PRPH2: variants seen among roughly 807,000 people sequenced by gnomAD.
PRPH2 encodes the protein peripherin 2, also known as peripherin-2.
PRPH2 carries 17 observed loss-of-function variants against 31.3 expected under a neutral mutation model. The ratio of observed to expected loss-of-function variants is 0.54; its 90% CI spans 0.37 to 0.81. The LOEUF is 0.81. Among genes scored for constraint, PRPH2 ranks in the 40% least tolerant of loss-of-function variants. PRPH2 has a pLI of 0.00. For missense variants in PRPH2, 430 were observed against 439.7 expected (o/e 0.98, Z 0.20); for synonymous variants, 165 against 184.4 (o/e 0.89, Z 0.85).
intron 1 of PRPH2, among the ~76,000 whole-genome samples, chr6:42,707,178 G>A (rs1389165036): frequency 6.6e-6 from 1 of 152,108 alleles, no homozygotes; most frequent in East Asian, 1.9e-4. Flanking sequence ...GGGATTACAG[G>A]TATGAGCCAC....
chr6:42,701,714 G>C (rs1289902771), intron 2 of PRPH2, among the ~76,000 whole-genome samples: 2 of 41,424 alleles, frequency 4.8e-5, no homozygotes, highest in African/African-American at 1.4e-4. Flanking sequence ...TTTTTTAGTA[G>C]AGATGAGGGC....
At chr6:42,707,567 T>C (rs1358387708) in intron 1 of PRPH2, among the ~76,000 whole-genome samples, 1 of 152,168 alleles carries the variant, frequency 6.6e-6, no homozygotes, top group East Asian at 1.9e-4. Flanking sequence ...AGGTCAGACT[T>C]TTGATCTTTG....
Position 42,704,368 on chromosome 6 carries a change from G to A in PRPH2, c.825C>T (p.Phe275=), listed in dbSNP as rs201249148. The A allele has an allele frequency of 6.2e-7, 1 of 1,608,128 alleles. No individual in the cohort carries two copies. Among genetic ancestry groups the A allele is most frequent in the Admixed American group, 1.7e-5 (1 of 59,074 alleles). Residue 275 remains phenylalanine, a synonymous_variant, in exon 2 of 3, where the codon TTC becomes TTT. Transcript: ENST00000230381. ...MGVVTLLIWL[F]EVTITIGLRY... ...CCCCAGCTGGCCCAGGGCCTACCTC[G>A]AAGAGCCAAATGAGGAGCGTGACGA...
intron 2 of PRPH2, among the ~76,000 whole-genome samples, chr6:42,701,325 T>A (rs1004797844): frequency 6.6e-6 from 1 of 152,110 alleles, no homozygotes; most frequent in Non-Finnish European, 1.5e-5. Flanking sequence ...GGTTTCTCCA[T>A]GTTGGTCAGG....
chr6:42,705,455 G>T (rs905599330), intron 1 of PRPH2, among the ~76,000 whole-genome samples: 2 of 150,654 alleles, frequency 1.3e-5, no homozygotes, highest in Admixed American at 6.6e-5. Context: ...GGGCATGGTG[G>T]CTCATGTCTG....
chr6:42,701,107 C>A (rs191015489), intron 2 of PRPH2, among the ~76,000 whole-genome samples: 1 of 151,732 alleles, frequency 6.6e-6, no homozygotes, highest in East Asian at 1.9e-4. Flanking sequence ...CAGGAGGATC[C>A]AGGACTACAT....
At chr6:42,708,207 T>G (rs974631079) in intron 1 of PRPH2, among the ~76,000 whole-genome samples, 1 of 152,172 alleles carries the variant, frequency 6.6e-6, no homozygotes, top group African/African-American at 2.4e-5. Flanking sequence ...GAGTTGGCCG[T>G]GCAGGTTCTA....
At chr6:42,703,972 A>T (rs1800097651) in intron 2 of PRPH2, among the ~76,000 whole-genome samples, 1 of 152,004 alleles carries the variant, frequency 6.6e-6, no homozygotes. Context: ...ATGGTGGCAC[A>T]TGCCTGTAGT....
intron 1 of PRPH2, among the ~76,000 whole-genome samples, chr6:42,707,843 G>A (rs898161911): frequency 6.6e-6 from 1 of 152,088 alleles, no homozygotes; most frequent in African/African-American, 2.4e-5. Context: ...AGACCACATG[G>A]CCCTGGGTGG....
Position 42,697,899 on chromosome 6 carries a change from G to T in PRPH2, c.*396C>A. On this transcript the variant is annotated 3_prime_UTR_variant, in exon 3 of 3. Coordinates refer to ENST00000230381, the MANE Select transcript of PRPH2 (RefSeq NM_000322.5). ...ACTTTGGATAGAGTGAAGCAACATG[G>T]AGCTCATAAGAGGTAAATTCTAAAA... The T allele has an allele frequency of 4.8e-6, 1 of 207,744 alleles. No individual in the cohort carries two copies. Among genetic ancestry groups the T allele is most frequent in the Non-Finnish European group, 9.8e-6 (1 of 101,782 alleles). 12.9% of individuals were successfully genotyped at this position (207,744 alleles called of 1,614,324 possible).
chr6:42,706,202 G>A lies in PRPH2; in HGVS notation c.582-1591C>T, dbSNP rs373099618. ...GGGTGGATCACGAGGTCAGGAGATC[G>A]AGACCATCCTGGCTAACACGGTGAA... On this transcript the variant is annotated intron_variant, in intron 1 of 2. Coordinates refer to ENST00000230381, the MANE Select transcript of PRPH2 (RefSeq NM_000322.5). Among the ~76,000 whole-genome samples, 71 of 151,670 alleles carry A rather than the reference G, an allele frequency of 4.7e-4. 1 individual carries two copies. In the East Asian group the frequency reaches 6.3e-3, roughly 13 times the overall value.
chr6:42,714,394 G>A (rs1014518814), intron 1 of PRPH2, among the ~76,000 whole-genome samples: 14 of 152,170 alleles, frequency 9.2e-5, no homozygotes, highest in African/African-American at 3.1e-4. Flanking sequence ...CCTTAGAAGT[G>A]ATGAAAATGT....
rs576145299 is a variant in PRPH2 at position 42,705,476 on chromosome 6, A to ACTTT, written c.582-869_582-866dup. 8.6e-3 allele frequency among the ~76,000 whole-genome samples: 1,280 copies of ACTTT among 149,166 alleles called. 10 individuals carry two copies. Among genetic ancestry groups the ACTTT allele is most frequent in the African/African-American group, 0.029 (1,164 of 40,682 alleles). On this transcript the variant is annotated intron_variant, in intron 1 of 2. Coordinates refer to ENST00000230381, the MANE Select transcript of PRPH2 (RefSeq NM_000322.5). ...GGTGGCTCATGTCTGTAATCCCAGC[A>ACTTT]CTTTGTAAGGCCGAGGCGGGAGCCC...
intron 1 of PRPH2, among the ~76,000 whole-genome samples, chr6:42,719,193 G>C (rs555406744): frequency 6.7e-6 from 1 of 148,306 alleles, no homozygotes; most frequent in Non-Finnish European, 1.5e-5. Context: ...CTTTGAGATC[G>C]AGTCTCACAC....
intron 1 of PRPH2, among the ~76,000 whole-genome samples, chr6:42,707,056 T>G (rs1000797380): frequency 2.1e-5 from 3 of 144,082 alleles, no homozygotes; most frequent in Admixed American, 7.3e-5. Flanking sequence ...TGTGCCACCA[T>G]GCCCAGCTAA....
intron 1 of PRPH2, among the ~76,000 whole-genome samples, chr6:42,714,769 C>T (rs1674815148): frequency 6.6e-6 from 1 of 152,188 alleles, no homozygotes; most frequent in Admixed American, 6.5e-5. Context: ...CCATCCACTT[C>T]AACCTCCCAA....
Position 42,698,331 on chromosome 6 carries a change from C to G in PRPH2, c.1005G>C (p.Glu335Asp), listed in dbSNP as rs1011239238. 1.9e-5 allele frequency: 31 copies of G among 1,614,122 alleles called. No homozygotes were observed. Among genetic ancestry groups the G allele is most frequent in the Non-Finnish European group, 2.3e-5 (27 of 1,180,022 alleles). ...KLGKGNQVEA[E>D]GADAGQAPEA... ...CTGGGGCCTGGCCTGCGTCTGCGCC[C>G]TCGGCTTCCACCTGGTTGCCCTTGC... Residue 335 changes from glutamate (E) to aspartate (D), a missense_variant, in exon 3 of 3, where the codon GAG (glutamate) becomes GAC (aspartate). By Grantham distance (45) the Glu-to-Asp change is conservative. Transcript: ENST00000230381.
chr6:42,714,196 C>T (rs1761729673), intron 1 of PRPH2, among the ~76,000 whole-genome samples: 1 of 152,098 alleles, frequency 6.6e-6, no homozygotes, highest in African/African-American at 2.4e-5. Context: ...TACGCTACAA[C>T]ATGGATTAAT....
rs1016933713 is a variant in PRPH2 at position 42,698,473 on chromosome 6, G to A, written c.863C>T (p.Thr288Met). ...TITIGLRYLQ[T>M]SLDGVSNPEE... is the part of the protein sequence containing the mutation. ...GGGGTTGGACACACCATCCAGCGAC[G>A]TCTGTAGGTAGCGCAGCCCAATTGT... is the stretch of plus-strand genomic sequence containing the variant. The change falls in exon 3 of 3, where the codon ACG becomes ATG. Residue 288 changes from threonine to methionine, a missense_variant. Coordinates refer to ENST00000230381, the MANE Select transcript of PRPH2 (RefSeq NM_000322.5). 9 of 1,614,216 alleles carry A rather than the reference G, an allele frequency of 5.6e-6. No homozygotes were observed. The highest frequency in any genetic ancestry group is 2.2e-5 in the South Asian group (2 of 91,088).
Sources: allele counts gnomAD v4.1 joint callset (sites outside exome capture counted in the v4.1 genomes callset), GRCh38; gene constraint gnomAD v4.1.1; transcripts MANE v1.5; gene names NCBI Gene and HGNC (gene_info 2026-07-23, HGNC 2026-07-21).